The following ABI1 variants were observed in gnomAD, a reference collection of about 807,000 sequenced individuals.
ABI1 encodes the protein Abelson interactor 1.
Under a neutral mutation model 54.6 loss-of-function variants are expected in ABI1, and 14 were observed. The ratio of observed to expected loss-of-function variants is 0.26; its 90% confidence interval spans 0.17 to 0.40. The LOEUF (loss-of-function observed/expected upper bound fraction) is 0.40. Among genes scored for constraint, ABI1 ranks in the 10% least tolerant of loss-of-function variants. ABI1 has a pLI of 1.00. For synonymous variants in ABI1, 194 were observed against 209.3 expected (o/e 0.93, Z 0.63); for missense variants, 443 against 598.3 (o/e 0.74, Z 2.71).
At chr10:26,778,600 C>T (rs532430289) in intron 2 of ABI1, among the ~76,000 whole-genome samples, 26 of 151,966 alleles carry the variant, frequency 1.7e-4, no homozygotes, top group African/African-American at 5.8e-4. Context: ...ACTTTTTAAT[C>T]GAGAAAGAAC....
chr10:26,830,060 C>T (rs1273114036), intron 1 of ABI1, among the ~76,000 whole-genome samples: 1 of 152,174 alleles, frequency 6.6e-6, no homozygotes, highest in Non-Finnish European at 1.5e-5. Flanking sequence ...TTGAAAGCTA[C>T]AGTCTTCTGT....
intron 2 of ABI1, among the ~76,000 whole-genome samples, chr10:26,814,635 A>G (rs1263998956): frequency 6.6e-6 from 1 of 152,212 alleles, no homozygotes; most frequent in African/African-American, 2.4e-5. Flanking sequence ...TTAAAAATTT[A>G]CAAAATAAGA....
At chr10:26,823,772 C>A (rs1468794280) in intron 1 of ABI1, among the ~76,000 whole-genome samples, 1 of 152,146 alleles carries the variant, frequency 6.6e-6, no homozygotes, top group African/African-American at 2.4e-5. Context: ...TCATGCCCCA[C>A]AAAAACTACT....
chr10:26,764,772 A>T (rs1250687041), intron 7 of ABI1, among the ~76,000 whole-genome samples: 1 of 152,214 alleles, frequency 6.6e-6, no homozygotes, highest in Admixed American at 6.5e-5. Context: ...TTTAAGTAGC[A>T]CTTAATATTT....
intron 1 of ABI1, among the ~76,000 whole-genome samples, chr10:26,850,816 A>G (rs1193507229): frequency 6.6e-6 from 1 of 152,178 alleles, no homozygotes; most frequent in African/African-American, 2.4e-5. Context: ...CAAGTAGGTT[A>G]TTAGATATAT....
intron 2 of ABI1, chr10:26,790,680 G>A (rs1315204112): frequency 6.6e-6 from 1 of 152,108 alleles, no homozygotes; most frequent in Non-Finnish European, 1.5e-5. Flanking sequence ...AAATGAAACT[G>A]TACTGCAATG....
chr10:26,859,849 C>A (rs2051150599), intron 1 of ABI1, among the ~76,000 whole-genome samples: 1 of 152,178 alleles, frequency 6.6e-6, no homozygotes, highest in South Asian at 2.1e-4. Context: ...ATGAAGCCTA[C>A]AGCTCAAGAA....
chr10:26,829,812 T>C (rs2048547295), intron 1 of ABI1, among the ~76,000 whole-genome samples: 1 of 152,202 alleles, frequency 6.6e-6, no homozygotes. Flanking sequence ...CACCTCATTT[T>C]TTTCTTGGAT....
Position 26,814,562 on chromosome 10 carries a change from G to A in ABI1, c.285+8576C>T, listed in dbSNP as rs991945967. On this transcript the variant is annotated intron_variant, in intron 2 of 10. Coordinates refer to ENST00000376140, the MANE Select transcript of ABI1 (RefSeq NM_001012750.3). ...CTAGTATTACTTCCTATATTTTCCA[G>A]GAAAAGTGACTGGCACCTTTAGATG... 2.0e-5 allele frequency among the ~76,000 whole-genome samples: 3 copies of A among 152,122 alleles called. No individual in the cohort carries two copies. In the South Asian group the frequency reaches 6.2e-4, roughly 31 times the overall value.
intron 2 of ABI1, among the ~76,000 whole-genome samples, chr10:26,779,796 C>T (rs1212673206): frequency 6.6e-6 from 1 of 152,108 alleles, no homozygotes; most frequent in Non-Finnish European, 1.5e-5. Flanking sequence ...TATAACCGTC[C>T]ACTACAAGAA....
intron 10 of ABI1, among the ~76,000 whole-genome samples, chr10:26,750,588 T>G (rs2368184): frequency 0.58 from 88,179 of 152,072 alleles, 27,655 homozygotes; most frequent in African/African-American, 0.83. Flanking sequence ...AAGAGCTACA[T>G]CTACTAGCTT....
At chr10:26,757,968 T>G (rs1310716375) in intron 8 of ABI1, among the ~76,000 whole-genome samples, 1 of 146,320 alleles carries the variant, frequency 6.8e-6, no homozygotes, top group African/African-American at 2.6e-5. Context: ...CTCAGGTGGC[T>G]GAGGCAGGAG....
At position 26,852,972 on chromosome 10, in the gene ABI1, T is replaced by C. The variant is rs77567130; in HGVS notation, c.117+7775A>G. Among the ~76,000 whole-genome samples the C allele has an allele frequency of 1.7e-3, 261 of 152,254 alleles. 1 individual carries two copies. The highest frequency in any genetic ancestry group is 3.4e-3 in the Non-Finnish European group (230 of 68,018). ...ATTTTCTTCATAAACACGGGTTCACTACCAACTATGTCTGAGAAAGTTTTA... is the reference window on the plus strand; with the variant it reads ...ATTTTCTTCATAAACACGGGTTCACCACCAACTATGTCTGAGAAAGTTTTA... On this transcript the variant is annotated intron_variant, in intron 1 of 10. Coordinates refer to ENST00000376140, the MANE Select transcript of ABI1 (RefSeq NM_001012750.3).
chr10:26,790,954 C>T (rs1424387354), intron 2 of ABI1, among the ~76,000 whole-genome samples: 8 of 151,290 alleles, frequency 5.3e-5, no homozygotes, highest in Non-Finnish European at 1.0e-4. Flanking sequence ...ACTTGCAGTC[C>T]CAGCTACTCA....
At chr10:26,816,866 T>C (rs1425906144) in intron 2 of ABI1, among the ~76,000 whole-genome samples, 1 of 152,182 alleles carries the variant, frequency 6.6e-6, no homozygotes, top group Non-Finnish European at 1.5e-5. Context: ...CCAATAACCA[T>C]GCAAAATAAT....
At chr10:26,759,874 T>C in intron 7 of ABI1, among the ~76,000 whole-genome samples, 1 of 152,120 alleles carries the variant, frequency 6.6e-6, no homozygotes, top group South Asian at 2.1e-4. Flanking sequence ...TTCAAAGCAC[T>C]TTCATGTAAT....
intron 1 of ABI1, among the ~76,000 whole-genome samples, chr10:26,823,633 T>A (rs1371732832): frequency 6.6e-6 from 1 of 152,216 alleles, no homozygotes; most frequent in Admixed American, 6.5e-5. Context: ...ATAAGGACTT[T>A]ACTGTCAGCC....
chr10:26,768,902 C>T lies in ABI1; in HGVS notation c.669G>A (p.Gln223=), dbSNP rs751633610. 62 of 1,613,628 alleles carry T rather than the reference C, an allele frequency of 3.8e-5. No individual in the cohort carries two copies. In the Admixed American group the frequency reaches 4.7e-4, roughly 12 times the overall value. ...AAGATGCTGTCCTGCCTGGACTATG[C>T]TGACTTCCAAGCCTAGCAGGACTGG... ...YMTSPARLGS[Q]HSPGRTASLN... Residue 223 remains glutamine (Q), a synonymous_variant, in exon 6 of 11, where the codon CAG becomes CAA. Transcript: ENST00000376140.
chr10:26,781,927 T>A (rs1330113535), intron 2 of ABI1, among the ~76,000 whole-genome samples: 1 of 152,306 alleles, frequency 6.6e-6, no homozygotes, highest in African/African-American at 2.4e-5. Flanking sequence ...ATAGAGTGGA[T>A]ACAAAGTAAA....
Sources: allele counts gnomAD v4.1 joint callset (sites outside exome capture counted in the v4.1 genomes callset), GRCh38; gene constraint gnomAD v4.1.1; transcripts MANE v1.5; gene names NCBI Gene and HGNC (gene_info 2026-07-23, HGNC 2026-07-21).